Variants in ELP4 observed in about 807,000 individuals in gnomAD.
ELP4 encodes elongator complex protein 4.
In ELP4, 51 loss-of-function variants were observed where a neutral mutation model predicts 48.9. That is an observed-to-expected ratio of 1.04 (90% CI 0.83 to 1.32). The LOEUF is 1.32. ELP4 is among the 40% of genes most tolerant of loss of function. The pLI is 0.00. For missense variants in ELP4, 519 were observed against 514.6 expected (o/e 1.01, Z -0.08); for synonymous variants, 210 against 189.2 (o/e 1.11, Z -0.90).
chr11:31,723,228 A>T (rs1947005759), intron 9 of ELP4, among the ~76,000 whole-genome samples: 1 of 152,168 alleles, frequency 6.6e-6, no homozygotes, highest in Non-Finnish European at 1.5e-5. Flanking sequence ...AGGAGAAAGG[A>T]GGCTGGGAAT....
chr11:31,656,495 TATA>T (rs1279795198), intron 9 of ELP4, among the ~76,000 whole-genome samples: 2 of 152,174 alleles, frequency 1.3e-5, no homozygotes, highest in Non-Finnish European at 2.9e-5. Context: ...CTTTGAGAAA[TATA>T]ATTAAAATAT....
At chr11:31,546,541 T>C (rs2133918852) in intron 3 of ELP4, among the ~76,000 whole-genome samples, 1 of 152,018 alleles carries the variant, frequency 6.6e-6, no homozygotes, top group African/African-American at 2.4e-5. Context: ...TAGTGGGAGA[T>C]TTTAACACCC....
intron 9 of ELP4, among the ~76,000 whole-genome samples, chr11:31,766,919 A>G (rs1948053778): frequency 6.6e-6 from 1 of 152,136 alleles, no homozygotes; most frequent in Non-Finnish European, 1.5e-5. Flanking sequence ...ACTACTTGAT[A>G]TATTTCTAAA....
intron 9 of ELP4, among the ~76,000 whole-genome samples, chr11:31,737,819 G>GTAA (rs1947352427): frequency 6.6e-6 from 1 of 152,136 alleles, no homozygotes; most frequent in Non-Finnish European, 1.5e-5. Flanking sequence ...GACAAGGATG[G>GTAA]TAACTCTTGT....
intron 9 of ELP4, chr11:31,651,209 G>A (rs1945311197): frequency 6.6e-6 from 1 of 151,384 alleles, no homozygotes. Flanking sequence ...TAACTTAATG[G>A]TTCTCTCTCT....
At chr11:31,580,211 CA>C (rs1230642772) in intron 3 of ELP4, among the ~76,000 whole-genome samples, 4 of 152,116 alleles carry the variant, frequency 2.6e-5, no homozygotes, top group African/African-American at 9.7e-5. Context: ...CCCCAAACAC[CA>C]ATTGTTCTTC....
chr11:31,671,939 G>A (rs1248743717), intron 9 of ELP4, among the ~76,000 whole-genome samples: 1 of 152,154 alleles, frequency 6.6e-6, no homozygotes, highest in Non-Finnish European at 1.5e-5. Flanking sequence ...CTCCAGGTCT[G>A]TTACAGTATT....
chr11:31,590,493 C>A (rs565307232), intron 3 of ELP4, among the ~76,000 whole-genome samples: 1 of 152,200 alleles, frequency 6.6e-6, no homozygotes, highest in South Asian at 2.1e-4. Flanking sequence ...TTCGTGACTT[C>A]GAATGAGGCA....
At chr11:31,556,971 A>T (rs1314017563) in intron 3 of ELP4, among the ~76,000 whole-genome samples, 1 of 151,930 alleles carries the variant, frequency 6.6e-6, no homozygotes, top group East Asian at 1.9e-4. Context: ...AATTAAGCTG[A>T]AACTTCCCAC....
intron 9 of ELP4, among the ~76,000 whole-genome samples, chr11:31,754,786 C>T (rs1474156208): frequency 6.6e-6 from 1 of 152,082 alleles, no homozygotes; most frequent in Non-Finnish European, 1.5e-5. Context: ...GCAGGAGAAT[C>T]GCTTGAACCC....
chr11:31,764,768 G>C (rs183750416), intron 9 of ELP4, among the ~76,000 whole-genome samples: 1 of 152,124 alleles, frequency 6.6e-6, no homozygotes, highest in Non-Finnish European at 1.5e-5. Flanking sequence ...TAGTTTTGTA[G>C]AACTTCCATT....
intron 3 of ELP4, among the ~76,000 whole-genome samples, chr11:31,553,445 G>C (rs1956882473): frequency 6.6e-6 from 1 of 152,040 alleles, no homozygotes; most frequent in Non-Finnish European, 1.5e-5. Flanking sequence ...TCCCGAGTCA[G>C]AGAAATTTTC....
At position 31,783,586 on chromosome 11, in the gene ELP4, C is replaced by T. The variant is rs544295439; in HGVS notation, c.*62C>T. The T allele has an allele frequency of 4.7e-5, 69 of 1,475,898 alleles. No homozygotes were observed. The Admixed American group carries it at 7.9e-4, about 17-fold the overall frequency. The allele number at this position is 1,475,898 out of a possible 1,614,324, so 91.4% of individuals were successfully genotyped here. ...ACACTCTAATTATGATTGCTAATAG[C>T]TTATGTAAATATTTTTCTTAACAAT... is the stretch of plus-strand genomic sequence containing the variant. On this transcript the variant is annotated 3_prime_UTR_variant, in exon 10 of 10. Coordinates refer to ENST00000640961, the MANE Select transcript of ELP4 (RefSeq NM_019040.5).
chr11:31,616,736 C>A (rs2092318129), intron 5 of ELP4, among the ~76,000 whole-genome samples: 1 of 151,862 alleles, frequency 6.6e-6, no homozygotes, highest in Non-Finnish European at 1.5e-5. Flanking sequence ...AAACAAATAA[C>A]CTGACTTTAT....
At chr11:31,530,763 G>A (rs1176671128) in intron 2 of ELP4, among the ~76,000 whole-genome samples, 1 of 152,050 alleles carries the variant, frequency 6.6e-6, no homozygotes, top group African/African-American at 2.4e-5. Flanking sequence ...CTTTCTTTAA[G>A]CTAAATATTT....
At chr11:31,756,774 TG>T (rs1428057881) in intron 9 of ELP4, among the ~76,000 whole-genome samples, 1 of 152,254 alleles carries the variant, frequency 6.6e-6, no homozygotes, top group African/African-American at 2.4e-5. Flanking sequence ...TTCTCTACTT[TG>T]ATTTCAGGCT....
At chr11:31,753,871 C>A in intron 9 of ELP4, among the ~76,000 whole-genome samples, 1 of 151,946 alleles carries the variant, frequency 6.6e-6, no homozygotes, top group African/African-American at 2.4e-5. Flanking sequence ...AAATAGATGT[C>A]AAATTTACTT....
At chr11:31,599,431 G>A (rs948865842) in intron 4 of ELP4, 2 of 150,580 alleles carry the variant, frequency 1.3e-5, no homozygotes, top group Admixed American at 6.6e-5. Context: ...ATGATCACTC[G>A]TCATTATCTG....
intron 1 of ELP4, among the ~76,000 whole-genome samples, chr11:31,515,279 G>C (rs948858110): frequency 6.6e-6 from 1 of 151,970 alleles, no homozygotes; most frequent in South Asian, 2.1e-4. Context: ...AAGATATTTG[G>C]TGATAAAAAT....
Sources: gnomAD v4.1 joint callset for allele counts (sites outside exome capture counted in the v4.1 genomes callset) on GRCh38, gnomAD v4.1.1 for gene constraint, MANE v1.5 for transcripts, NCBI Gene and HGNC (gene_info 2026-07-23, HGNC 2026-07-21) for gene names.